SNX24: variants seen among roughly 807,000 people sequenced by gnomAD.
SNX24 encodes sorting nexin-24.
In SNX24, 22 loss-of-function variants were observed where a neutral mutation model predicts 28.7. That is an observed-to-expected ratio of 0.77 (90% confidence interval 0.55 to 1.10). The LOEUF is 1.10. Among genes scored for constraint, SNX24 ranks in the 50% least tolerant of loss-of-function variants. The probability of loss-of-function intolerance (pLI) is 0.00; values close to 1 mark genes in which losing one functional copy is unlikely to be tolerated. For missense variants in SNX24, 221 were observed against 201.1 expected (o/e 1.10, Z -0.60); for synonymous variants, 69 against 71.5 (o/e 0.96, Z 0.18).
At chr5:122,888,893 C>A (rs930502429) in intron 1 of SNX24, among the ~76,000 whole-genome samples, 1 of 152,164 alleles carries the variant, frequency 6.6e-6, no homozygotes, top group African/African-American at 2.4e-5. Flanking sequence ...ACTCTGTCGC[C>A]AAGAATGGAG....
intron 6 of SNX24, 69 bp downstream of exon 6, chr5:123,002,073 T>C (rs1383315309): frequency 2.5e-6 from 3 of 1,204,766 alleles, no homozygotes; most frequent in Non-Finnish European, 3.7e-6. Flanking sequence ...ACCACGTTTT[T>C]AATACAGGTC....
intron 1 of SNX24, among the ~76,000 whole-genome samples, chr5:122,871,751 C>T (rs112821614): frequency 6.6e-6 from 1 of 152,228 alleles, no homozygotes; most frequent in Non-Finnish European, 1.5e-5. Flanking sequence ...GCTTGGGTGA[C>T]AAAAGTGAAA....
At chr5:122,853,304 T>C (rs1024120366) in intron 1 of SNX24, among the ~76,000 whole-genome samples, 2 of 151,884 alleles carry the variant, frequency 1.3e-5, no homozygotes, top group African/African-American at 4.8e-5. Context: ...TGTTTTGTAT[T>C]TTTTAGTAGA....
At chr5:122,855,654 T>C (rs1376609194) in intron 1 of SNX24, among the ~76,000 whole-genome samples, 1 of 152,240 alleles carries the variant, frequency 6.6e-6, no homozygotes, top group Non-Finnish European at 1.5e-5. Flanking sequence ...CAAATGCTGC[T>C]GCTGCTTTAT....
chr5:122,930,171 T>G (rs1407466396), intron 1 of SNX24, among the ~76,000 whole-genome samples: 3 of 152,218 alleles, frequency 2.0e-5, no homozygotes, highest in Non-Finnish European at 2.9e-5. Flanking sequence ...TGCCTCCAAG[T>G]GGCCTAGAAG....
chr5:122,865,880 TAGAAG>T (rs1755697340), intron 1 of SNX24, among the ~76,000 whole-genome samples: 1 of 152,204 alleles, frequency 6.6e-6, no homozygotes, highest in South Asian at 2.1e-4. Context: ...ACTCCTTCCC[TAGAAG>T]AGAAGGTAGA....
chr5:122,907,938 T>C (rs1424665861), intron 1 of SNX24, among the ~76,000 whole-genome samples: 1 of 152,030 alleles, frequency 6.6e-6, no homozygotes, highest in African/African-American at 2.4e-5. Context: ...AATTAGATTT[T>C]GGTAAGATTG....
intron 1 of SNX24, among the ~76,000 whole-genome samples, chr5:122,929,471 A>G (rs533217671): frequency 6.6e-6 from 1 of 152,254 alleles, no homozygotes; most frequent in Admixed American, 6.5e-5. Context: ...TTGCCTTATA[A>G]ATTACTAAGT....
chr5:122,943,574 G>A (rs1008197399), intron 2 of SNX24, among the ~76,000 whole-genome samples: 1 of 152,228 alleles, frequency 6.6e-6, no homozygotes, highest in Admixed American at 6.5e-5. Context: ...TCAGTGGCTT[G>A]CAGTTGCAGA....
intron 5 of SNX24, among the ~76,000 whole-genome samples, chr5:123,026,610 T>C (rs377647491): frequency 5.3e-5 from 8 of 152,322 alleles, no homozygotes; most frequent in African/African-American, 1.4e-4. Context: ...CCAAGAGCAA[T>C]AGCAGCTGAT....
At chr5:123,025,832 G>T in intron 5 of SNX24, 3 of 1,614,048 alleles carry the variant, frequency 1.9e-6, no homozygotes, top group South Asian at 1.1e-5. Flanking sequence ...CGTCCAACCA[G>T]GTGGGCTTGG....
chr5:122,854,247 G>T (rs113345737), intron 1 of SNX24, among the ~76,000 whole-genome samples: 1 of 152,096 alleles, frequency 6.6e-6, no homozygotes, highest in South Asian at 2.1e-4. Flanking sequence ...AGTAGCTCAC[G>T]CCTGTAGTCC....
intron 3 of SNX24, among the ~76,000 whole-genome samples, chr5:122,963,971 G>A (rs1002889450): frequency 6.6e-6 from 1 of 152,028 alleles, no homozygotes; most frequent in Non-Finnish European, 1.5e-5. Flanking sequence ...GGCCGGGCGC[G>A]ATGGCTCATG....
intron 6 of SNX24, 84 bp from the exon 7 acceptor site, chr5:123,007,598 A>G: frequency 1.6e-6 from 2 of 1,242,578 alleles, no homozygotes; most frequent in Non-Finnish European, 2.3e-6. Context: ...GCCTTGTTCC[A>G]TTCTACAGAA....
intron 3 of SNX24, among the ~76,000 whole-genome samples, chr5:122,981,453 A>G (rs1356838181): frequency 1.3e-5 from 2 of 152,242 alleles, no homozygotes; most frequent in South Asian, 2.1e-4. Context: ...TATAATTTAC[A>G]TAGCATAAAA....
At chr5:122,902,157 G>A (rs1489214116) in intron 1 of SNX24, among the ~76,000 whole-genome samples, 1 of 152,198 alleles carries the variant, frequency 6.6e-6, no homozygotes, top group Admixed American at 6.5e-5. Flanking sequence ...CATGGTGGCA[G>A]TGCCACTCAC....
chr5:122,860,522 TG>T (rs1164731750), intron 1 of SNX24, among the ~76,000 whole-genome samples: 2 of 152,204 alleles, frequency 1.3e-5, no homozygotes, highest in East Asian at 3.8e-4. Flanking sequence ...AGATTAGCCC[TG>T]TAGGAGATGA....
At chr5:123,018,363 T>A (rs1244466439) in intron 5 of SNX24, among the ~76,000 whole-genome samples, 7 of 152,102 alleles carry the variant, frequency 4.6e-5, no homozygotes, top group Non-Finnish European at 1.0e-4. Context: ...GCTTGTCTTT[T>A]AAGACCAGGG....
intron 5 of SNX24, among the ~76,000 whole-genome samples, chr5:123,019,668 G>GTGAT (rs1376943984): frequency 1.2e-4 from 18 of 152,210 alleles, no homozygotes; most frequent in Non-Finnish European, 2.5e-4. Context: ...GTTGATTAAA[G>GTGAT]TGATTCAAGA....
Sources: gnomAD v4.1 joint callset for allele counts (sites outside exome capture counted in the v4.1 genomes callset) on GRCh38, gnomAD v4.1.1 for gene constraint, MANE v1.5 for transcripts, NCBI Gene and HGNC (gene_info 2026-07-23, HGNC 2026-07-21) for gene names.